Variants in EDA observed in about 807,000 individuals in gnomAD.
The protein encoded by EDA is ectodysplasin-A.
EDA carries 2 observed loss-of-function variants against 23.6 expected under a neutral mutation model. The observed-to-expected ratio is 0.08, with a 90% confidence interval of 0.03 to 0.27. EDA has a LOEUF of 0.27. EDA is among the 10% of genes least tolerant of loss of function. The pLI is 1.00. For missense variants in EDA, 229 were observed against 324.2 expected, an observed-to-expected ratio of 0.71 and a Z score of 2.26; for synonymous variants, 131 against 132.0, an observed-to-expected ratio of 0.99 and a Z score of 0.05.
intron 1 of EDA, among the ~76,000 whole-genome samples, chrX:69,844,530 A>G (rs2016966898): frequency 8.9e-6 from 1 of 112,427 alleles, no homozygotes. Flanking sequence ...CTTAAACTTC[A>G]GCTTTGAGAA....
intron 1 of EDA, among the ~76,000 whole-genome samples, chrX:69,649,612 G>T (rs113154611): frequency 1.9e-5 from 2 of 106,388 alleles, no homozygotes; most frequent in Non-Finnish European, 3.9e-5. Context: ...TTTGAGACAG[G>T]GTCTCACTCT....
At chrX:69,708,794 T>C (rs1309003269) in intron 1 of EDA, among the ~76,000 whole-genome samples, 1 of 109,780 alleles carries the variant, frequency 9.1e-6, no homozygotes, top group African/African-American at 3.3e-5. Flanking sequence ...ATATATCAGG[T>C]GGAAGCAAAT....
At chrX:69,913,070 G>A (rs1327460623) in intron 1 of EDA, among the ~76,000 whole-genome samples, 1 of 111,904 alleles carries the variant, frequency 8.9e-6, no homozygotes, top group Non-Finnish European at 1.9e-5. Context: ...ACCCGGTGAA[G>A]ATTTAGCATA....
At chrX:69,978,546 T>C (rs1374991386) in intron 2 of EDA, among the ~76,000 whole-genome samples, 4 of 107,345 alleles carry the variant, frequency 3.7e-5, no homozygotes, top group African/African-American at 1.4e-4. Context: ...AGCAGCTTTC[T>C]CGAGATATAA....
intron 1 of EDA, among the ~76,000 whole-genome samples, chrX:69,943,253 G>T (rs1230059350): frequency 9.0e-6 from 1 of 111,104 alleles, no homozygotes; most frequent in East Asian, 2.8e-4. Flanking sequence ...CGATGTCTGG[G>T]CATTGAACAG....
chrX:69,859,272 A>G (rs987378070), intron 1 of EDA, among the ~76,000 whole-genome samples: 1 of 110,555 alleles, frequency 9.0e-6, no homozygotes, highest in Non-Finnish European at 1.9e-5. Flanking sequence ...GTTTTCTGCT[A>G]GCTTTGGGGT....
chrX:69,870,710 G>A lies in EDA; in HGVS notation c.397-86317G>A, dbSNP rs142775436. On this transcript the variant is annotated intron_variant, in intron 1 of 7. Transcript: ENST00000374552. Reference sequence around the variant, plus strand: ...GTCCTCCCACGCATCCCCATTCCAGGTTGCAGGGTCCCATTTTTTTTCCAA... The same window carrying A: ...GTCCTCCCACGCATCCCCATTCCAGATTGCAGGGTCCCATTTTTTTTCCAA... 9.4e-3 allele frequency among the ~76,000 whole-genome samples: 1,052 copies of A among 111,456 alleles called. 6 individuals carry two copies. The highest frequency in any genetic ancestry group is 0.015 in the Non-Finnish European group (788 of 53,054).
intron 1 of EDA, among the ~76,000 whole-genome samples, chrX:69,876,657 C>G (rs1214380031): frequency 9.0e-6 from 1 of 111,314 alleles, no homozygotes; most frequent in Non-Finnish European, 1.9e-5. Flanking sequence ...ATAGTTTTGC[C>G]TTTTCTAGAA....
intron 2 of EDA, among the ~76,000 whole-genome samples, chrX:69,975,503 A>G (rs1333570211): frequency 9.0e-6 from 1 of 110,840 alleles, no homozygotes; most frequent in Non-Finnish European, 1.9e-5. Context: ...GCAAGGGTTG[A>G]AAAACTACAT....
chrX:69,702,167 C>T (rs1291720761), intron 1 of EDA, among the ~76,000 whole-genome samples: 6 of 111,468 alleles, frequency 5.4e-5, no homozygotes, highest in Admixed American at 4.8e-4. Flanking sequence ...GTTCCTGCTA[C>T]TTCCCAAAGG....
chrX:69,654,306 G>A (rs1326765568), intron 1 of EDA, among the ~76,000 whole-genome samples: 3 of 111,627 alleles, frequency 2.7e-5, no homozygotes, highest in Non-Finnish European at 3.8e-5. Context: ...AACAGGTGCT[G>A]GAGAGGATGT....
intron 1 of EDA, among the ~76,000 whole-genome samples, chrX:69,735,578 G>A (rs540053040): frequency 9.9e-5 from 11 of 111,259 alleles, no homozygotes; most frequent in African/African-American, 1.6e-4. Context: ...AATTCTTTGC[G>A]TCTGTTCTGT....
At chrX:69,771,706 A>C (rs553843495) in intron 1 of EDA, among the ~76,000 whole-genome samples, 1 of 112,196 alleles carries the variant, frequency 8.9e-6, no homozygotes, top group African/African-American at 3.2e-5. Flanking sequence ...TATGAAAAAT[A>C]GATTGGGCAT....
rs180931686 is a variant in EDA, at chrX:70,035,057, G to A, written c.925-301G>A. Reference sequence around the variant, plus strand: ...CAGGGCTGGGGCAGGGGTGGGCGGGGGAACAGGGGCACGGTGAAGCTGCAA... The same window carrying A: ...CAGGGCTGGGGCAGGGGTGGGCGGGAGAACAGGGGCACGGTGAAGCTGCAA... On this transcript the variant is annotated intron_variant, in intron 7 of 7. Coordinates refer to ENST00000374552, the MANE Select transcript of EDA (RefSeq NM_001399.5). 5.4e-3 allele frequency among the ~76,000 whole-genome samples: 597 copies of A among 111,443 alleles called. 4 individuals are homozygous for A. Among genetic ancestry groups the A allele is most frequent in the African/African-American group, 0.018 (559 of 30,545 alleles).
At chrX:69,816,337 G>A (rs1304229157) in intron 1 of EDA, among the ~76,000 whole-genome samples, 1 of 111,499 alleles carries the variant, frequency 9.0e-6, no homozygotes, top group African/African-American at 3.3e-5. Flanking sequence ...GAACTGAGCT[G>A]AGGCTGAGAT....
intron 1 of EDA, among the ~76,000 whole-genome samples, chrX:69,789,182 G>A (rs2804326): frequency 0.3 from 33,216 of 110,528 alleles, 4,718 homozygotes; most frequent in Middle Eastern, 0.53. Context: ...ACTGACCTGC[G>A]CCCACTGTCT....
chrX:69,745,391 T>C lies in EDA; in HGVS notation c.396+128687T>C, dbSNP rs184392925. On this transcript the variant is annotated intron_variant, in intron 1 of 7. Coordinates refer to ENST00000374552, the MANE Select transcript of EDA (RefSeq NM_001399.5). ...ACCTTTGGTAAAAAGGTAGTTCTTGTAGTTGATAGTACTTGGGATTAGTGA... is the reference window on the plus strand; with the variant it reads ...ACCTTTGGTAAAAAGGTAGTTCTTGCAGTTGATAGTACTTGGGATTAGTGA... Among the ~76,000 whole-genome samples, 156 of 111,772 alleles carry C rather than the reference T, an allele frequency of 1.4e-3. 1 individual carries two copies. The highest frequency in any genetic ancestry group is 2.4e-3 in the Non-Finnish European group (129 of 53,142).
At position 69,723,911 on chromosome X, in the gene EDA, T is replaced by C. The variant is rs189280901; in HGVS notation, c.396+107207T>C. 1.9e-3 allele frequency among the ~76,000 whole-genome samples: 216 copies of C among 111,810 alleles called. 1 individual carries two copies. Among genetic ancestry groups the C allele is most frequent in the African/African-American group, 6.7e-3 (208 of 30,820 alleles). On this transcript the variant is annotated intron_variant, in intron 1 of 7. Transcript: ENST00000374552. ...GAATAGGAATCCAAATTGTTGTTAG[T>C]CTCCTGGAGATGCATAGAACTAGGG...
chrX:69,728,243 C>CAAA (rs71895672), intron 1 of EDA, among the ~76,000 whole-genome samples: 1,758 of 92,017 alleles, frequency 0.019, 30 homozygotes, highest in Non-Finnish European at 0.029. Context: ...GACTCCATCT[C>CAAA]AAAAAAAAAA....
Sources: allele counts gnomAD v4.1 joint callset (sites outside exome capture counted in the v4.1 genomes callset), GRCh38; gene constraint gnomAD v4.1.1; transcripts MANE v1.5; gene names NCBI Gene and HGNC (gene_info 2026-07-23, HGNC 2026-07-21).